The following PCDHGB3 variants were observed in gnomAD, a reference collection of about 807,000 sequenced individuals.
PCDHGB3 encodes the protein protocadherin gamma-B3.
PCDHGB3 carries 40 observed loss-of-function variants against 59.2 expected under a neutral mutation model. The observed-to-expected ratio is 0.68, with a 90% CI of 0.52 to 0.88. The LOEUF (loss-of-function observed/expected upper bound fraction) is 0.88, where lower values mean the gene tolerates loss of function less well. PCDHGB3 is among the 40% of genes least tolerant of loss of function. The pLI, the probability that PCDHGB3 is intolerant of heterozygous loss-of-function variation, is 0.00. For synonymous variants in PCDHGB3, 581 were observed against 503.6 expected (o/e 1.15, Z -2.06); for missense variants, 1,309 against 1,187.9 (o/e 1.10, Z -1.50).
At chr5:141,417,866 G>C (rs1299960512) in intron 1 of PCDHGB3, 1 of 1,552,408 alleles carries the variant, frequency 6.4e-7, no homozygotes, top group African/African-American at 1.4e-5. Context: ...AACGATGGGA[G>C]GGAGCTGCGC....
In PCDHGB3 at chr5:141,476,875, C is replaced by T; in HGVS notation, c.2416-17932C>T. On this transcript the variant is annotated intron_variant, in intron 1 of 3. Coordinates refer to ENST00000576222, the MANE Select transcript of PCDHGB3 (RefSeq NM_018924.5). The surrounding 1 kb of genome is among the most constrained non-coding windows in gnomAD (Gnocchi z 7.6). ...ACCAGTCCTTGTACCGGGCGCGCGT[C>T]CTGGAGGATGCACCCTCCGGCACGC... 2 of 1,613,928 alleles carry T rather than the reference C, an allele frequency of 1.2e-6. No homozygotes were observed. Among genetic ancestry groups the T allele is most frequent in the Non-Finnish European group, 1.7e-6 (2 of 1,180,044 alleles).
At chr5:141,447,824 G>A (rs926580893) in intron 1 of PCDHGB3, among the ~76,000 whole-genome samples, 7 of 152,034 alleles carry the variant, frequency 4.6e-5, no homozygotes, top group Admixed American at 1.3e-4. Flanking sequence ...GGTGGCTCAC[G>A]CCTGTAATCC....
chr5:141,415,461 T>G, intron 1 of PCDHGB3: 1 of 1,614,180 alleles, frequency 6.2e-7, no homozygotes, highest in African/African-American at 1.3e-5. Flanking sequence ...ACGAGGTCTC[T>G]CTCACCGCGG....
Position 141,422,340 on chromosome 5 carries a change from T to C in PCDHGB3, c.2415+49531T>C, listed in dbSNP as rs776306472. ...CAGGTACAGTGATTGCTCTTCTAAA[T>C]GTGCAAGATCAAGATTCTGGAGAAA... On this transcript the variant is annotated intron_variant, in intron 1 of 3. Transcript: ENST00000576222. 2.6e-6 allele frequency: 4 copies of C among 1,550,190 alleles called. 1 individual carries two copies. Among genetic ancestry groups the C allele is most frequent in the Non-Finnish European group, 3.5e-6 (4 of 1,154,238 alleles).
intron 1 of PCDHGB3, among the ~76,000 whole-genome samples, chr5:141,402,682 T>C (rs1012328239): frequency 2.0e-5 from 3 of 152,256 alleles, no homozygotes; most frequent in South Asian, 4.1e-4. Context: ...CCATCTGATA[T>C]AATGTTACAC....
At chr5:141,426,714 C>T (rs779529448) in intron 1 of PCDHGB3, 2 of 444,724 alleles carry the variant, frequency 4.5e-6, no homozygotes, top group South Asian at 3.1e-5. Flanking sequence ...AATCAATGAA[C>T]TAGCAATTCC....
chr5:141,490,618 A>G lies in PCDHGB3; in HGVS notation c.2416-4189A>G, dbSNP rs1463273520. On this transcript the variant is annotated intron_variant, in intron 1 of 3. Transcript: ENST00000576222. The surrounding 1 kb of genome is among the most constrained non-coding windows in gnomAD (Gnocchi z 5.4). ...ACCCCGCTTCAACCAGCAGCTTTAC[A>G]CTGCTTACATCCTAGAAAACCGGCC... 4.3e-6 allele frequency: 7 copies of G among 1,613,986 alleles called. No homozygotes were observed. Among genetic ancestry groups the G allele is most frequent in the Admixed American group, 1.7e-5 (1 of 59,996 alleles).
At chr5:141,446,985 C>T (rs1411339328) in intron 1 of PCDHGB3, among the ~76,000 whole-genome samples, 1 of 152,064 alleles carries the variant, frequency 6.6e-6, no homozygotes, top group Non-Finnish European at 1.5e-5. Context: ...AATTCATACT[C>T]CACTCTTCAG....
At position 141,485,320 on chromosome 5, in the gene PCDHGB3, T is replaced by G; in HGVS notation, c.2416-9487T>G. The G allele has an allele frequency of 6.2e-7, 1 of 1,614,114 alleles. No individual in the cohort carries two copies. The highest frequency in any genetic ancestry group is 8.5e-7 in the Non-Finnish European group (1 of 1,180,018). ...AAGGGACTTTTGTAGGGAATGTCGC[T>G]CAAGATTTCCTGCTGGATACGGACA... is the stretch of plus-strand genomic sequence containing the variant. On this transcript the variant is annotated intron_variant, in intron 1 of 3. Transcript: ENST00000576222. The surrounding 1 kb of genome is among the most constrained non-coding windows in gnomAD (Gnocchi z 5.7).
chr5:141,415,126 C>T, intron 1 of PCDHGB3: 1 of 1,613,688 alleles, frequency 6.2e-7, no homozygotes, highest in Non-Finnish European at 8.5e-7. Context: ...AGTGGCCGTC[C>T]AGGACCACGG....
chr5:141,392,614 C>T (rs1000219739), intron 1 of PCDHGB3: 3 of 532,708 alleles, frequency 5.6e-6, no homozygotes, highest in African/African-American at 1.9e-5. Flanking sequence ...ACAAATGCAA[C>T]CGAAAACACT....
intron 1 of PCDHGB3, chr5:141,390,890 G>C (rs1043821773): frequency 5.2e-5 from 8 of 152,592 alleles, no homozygotes; most frequent in African/African-American, 1.9e-4. Flanking sequence ...GTGTGTGTGA[G>C]AGAGATCCTT....
intron 1 of PCDHGB3, chr5:141,384,015 A>G: frequency 6.2e-7 from 1 of 1,613,830 alleles, no homozygotes; most frequent in Non-Finnish European, 8.5e-7. Flanking sequence ...TCTACCTACA[A>G]GACAGAGATT....
At chr5:141,398,611 A>C (rs2093677658) in intron 1 of PCDHGB3, 3 of 1,613,944 alleles carry the variant, frequency 1.9e-6, no homozygotes, top group Non-Finnish European at 2.5e-6. Flanking sequence ...AGATGCAGAT[A>C]TTGGCTTAAA....
chr5:141,510,853 CTGT>C, intron 3 of PCDHGB3, 91 bp from the exon 4 acceptor site: 3 of 1,601,238 alleles, frequency 1.9e-6, no homozygotes, highest in Middle Eastern at 1.7e-4. Context: ...GCCCAGGGTG[CTGT>C]ATAGGCATTC....
intron 1 of PCDHGB3, chr5:141,384,152 A>G: frequency 2.5e-6 from 4 of 1,613,508 alleles, no homozygotes; most frequent in Non-Finnish European, 3.4e-6. Flanking sequence ...CTCTCTTTGT[A>G]TAACATCACA....
chr5:141,395,102 G>T (rs766050798), intron 1 of PCDHGB3: 3 of 1,614,172 alleles, frequency 1.9e-6, no homozygotes, highest in South Asian at 1.1e-5. Flanking sequence ...CCGCCGACTC[G>T]CGGAAGAGTC....
At chr5:141,405,470 A>G in intron 1 of PCDHGB3, 1 of 1,108,980 alleles carries the variant, frequency 9.0e-7, no homozygotes, top group Non-Finnish European at 1.3e-6. Flanking sequence ...CCCAGGCTGG[A>G]ATGCAGTGGT....
intron 1 of PCDHGB3, chr5:141,394,095 G>A: frequency 6.2e-7 from 1 of 1,613,848 alleles, no homozygotes; most frequent in Non-Finnish European, 8.5e-7. Context: ...CTCAGATCTA[G>A]GAACACCACC....
Sources: allele counts gnomAD v4.1 joint callset (sites outside exome capture counted in the v4.1 genomes callset), GRCh38; gene constraint gnomAD v4.1.1; non-coding constraint Gnocchi (gnomAD v3.1); transcripts MANE v1.5; gene names NCBI Gene and HGNC (gene_info 2026-07-23, HGNC 2026-07-21).